The following EXT2 variants were observed in gnomAD, a reference collection of about 807,000 sequenced individuals.
EXT2 encodes the protein exostosin glycosyltransferase 2.
Under a neutral mutation model 81.6 loss-of-function variants are expected in EXT2, and 53 were observed. That is an observed-to-expected ratio of 0.65 (90% CI 0.52 to 0.82). The LOEUF (loss-of-function observed/expected upper bound fraction) is 0.82. Ranked by LOEUF, EXT2 falls within the 40% of genes least tolerant of loss-of-function variation. The pLI is 0.00. For synonymous variants in EXT2, 320 were observed against 340.0 expected (o/e 0.94, Z 0.65); for missense variants, 774 against 910.2 (o/e 0.85, Z 1.93).
intron 13 of EXT2, among the ~76,000 whole-genome samples, chr11:44,243,880 C>A (rs1384559862): frequency 6.6e-6 from 1 of 151,958 alleles, no homozygotes; most frequent in Non-Finnish European, 1.5e-5. Context: ...TTTGCAGGCC[C>A]GTGGCCTCCA....
intron 7 of EXT2, among the ~76,000 whole-genome samples, chr11:44,168,683 A>G (rs1339262667): frequency 6.6e-6 from 1 of 152,240 alleles, no homozygotes. Context: ...AACACAGTAG[A>G]AGTATATCTT....
intron 7 of EXT2, among the ~76,000 whole-genome samples, chr11:44,164,138 C>G (rs981842896): frequency 2.0e-5 from 3 of 152,132 alleles, no homozygotes; most frequent in African/African-American, 7.2e-5. Flanking sequence ...TGTGCTAAGA[C>G]TGTCAAAGGA....
At chr11:44,147,971 G>A (rs956814069) in intron 7 of EXT2, among the ~76,000 whole-genome samples, 44 of 152,168 alleles carry the variant, frequency 2.9e-4, no homozygotes, top group African/African-American at 9.6e-4. Flanking sequence ...AGCAAGGCAC[G>A]TTGGAGTACT....
intron 1 of EXT2, among the ~76,000 whole-genome samples, chr11:44,102,087 G>A (rs1158791054): frequency 6.6e-6 from 1 of 152,162 alleles, no homozygotes; most frequent in Non-Finnish European, 1.5e-5. Flanking sequence ...TGAAGGGGAG[G>A]CTGGATCTCT....
At chr11:44,204,676 C>T (rs536123057) in intron 9 of EXT2, among the ~76,000 whole-genome samples, 37 of 152,274 alleles carry the variant, frequency 2.4e-4, no homozygotes, top group Non-Finnish European at 5.0e-4. Flanking sequence ...CTCACTCAAG[C>T]GAGAAGCCTG....
At chr11:44,136,572 A>G (rs986635165) in intron 7 of EXT2, among the ~76,000 whole-genome samples, 16 of 152,196 alleles carry the variant, frequency 1.1e-4, no homozygotes, top group African/African-American at 3.9e-4. Context: ...CCCTGGAAAT[A>G]TATTATGAGG....
chr11:44,168,842 A>T (rs1468887564), intron 7 of EXT2, among the ~76,000 whole-genome samples: 1 of 152,226 alleles, frequency 6.6e-6, no homozygotes, highest in Non-Finnish European at 1.5e-5. Context: ...TAAATTCTTC[A>T]ATTAGCAGGA....
At chr11:44,143,075 C>T (rs1409810243) in intron 7 of EXT2, among the ~76,000 whole-genome samples, 1 of 152,198 alleles carries the variant, frequency 6.6e-6, no homozygotes, top group East Asian at 1.9e-4. Flanking sequence ...CCTCAGCCTT[C>T]CGAATAGCTG....
At chr11:44,233,979 C>A in intron 11 of EXT2, 136 bp from the exon 12 acceptor site, 1 of 1,250,346 alleles carries the variant, frequency 8.0e-7, no homozygotes, top group South Asian at 1.3e-5. Flanking sequence ...TCCTTTTACC[C>A]TTCCTATTAA....
chr11:44,131,545 AT>A (rs1954493117), intron 7 of EXT2, among the ~76,000 whole-genome samples: 1 of 152,182 alleles, frequency 6.6e-6, no homozygotes, highest in African/African-American at 2.4e-5. Context: ...CCTGCAGTTT[AT>A]TTATAGCATC....
chr11:44,127,431 T>A (rs935719089), intron 6 of EXT2, among the ~76,000 whole-genome samples: 1 of 152,192 alleles, frequency 6.6e-6, no homozygotes, highest in Non-Finnish European at 1.5e-5. Flanking sequence ...TAAATTATCA[T>A]AGAAGCGTGG....
intron 7 of EXT2, among the ~76,000 whole-genome samples, chr11:44,139,547 CCTCTGCCT>C (rs892125012): frequency 9.3e-4 from 141 of 152,076 alleles, no homozygotes; most frequent in African/African-American, 3.4e-3. Context: ...TTCATGGTGC[CCTCTGCCT>C]CTTCACTTTT....
intron 13 of EXT2, among the ~76,000 whole-genome samples, chr11:44,241,920 G>A (rs1956041932): frequency 1.3e-5 from 2 of 152,218 alleles, no homozygotes; most frequent in Non-Finnish European, 1.5e-5. Flanking sequence ...GTGGAGGCCT[G>A]CCGCTTCTCC....
At chr11:44,172,443 G>T (rs1038550294) in intron 8 of EXT2, among the ~76,000 whole-genome samples, 1 of 152,158 alleles carries the variant, frequency 6.6e-6, no homozygotes, top group Non-Finnish European at 1.5e-5. Flanking sequence ...CTTCCTAGCT[G>T]CTCTGAAGTG....
At chr11:44,185,200 T>G (rs943070173) in intron 8 of EXT2, among the ~76,000 whole-genome samples, 1 of 152,228 alleles carries the variant, frequency 6.6e-6, no homozygotes, top group African/African-American at 2.4e-5. Flanking sequence ...TGTTCCAGCA[T>G]GAGCGTTAAA....
At chr11:44,189,698 T>G (rs1340634969) in intron 8 of EXT2, among the ~76,000 whole-genome samples, 6 of 152,116 alleles carry the variant, frequency 3.9e-5, no homozygotes, top group Admixed American at 3.9e-4. Context: ...CCTCCAACAT[T>G]GGGGATTACA....
At chr11:44,116,467 G>T (rs949427036) in intron 4 of EXT2, 4 of 152,146 alleles carry the variant, frequency 2.6e-5, no homozygotes, top group Admixed American at 2.6e-4. Flanking sequence ...GAATAATGCT[G>T]CTATGAACAT....
chr11:44,157,190 A>G (rs1242679157), intron 7 of EXT2, among the ~76,000 whole-genome samples: 5 of 152,238 alleles, frequency 3.3e-5, no homozygotes, highest in Admixed American at 6.5e-5. Flanking sequence ...CAAAGTGAGC[A>G]CAGCACTGGA....
chr11:44,198,683 A>G (rs1344946412), intron 9 of EXT2, among the ~76,000 whole-genome samples: 1 of 152,242 alleles, frequency 6.6e-6, no homozygotes, highest in Non-Finnish European at 1.5e-5. Flanking sequence ...GGGACTTCAA[A>G]GCTCCTGCCA....
Sources: gnomAD v4.1 joint callset for allele counts (sites outside exome capture counted in the v4.1 genomes callset) on GRCh38, gnomAD v4.1.1 for gene constraint, MANE v1.5 for transcripts, NCBI Gene and HGNC (gene_info 2026-07-23, HGNC 2026-07-21) for gene names.